Variants in TRERF1 observed in about 807,000 individuals in gnomAD.
TRERF1 encodes the protein transcriptional regulating factor 1.
Under a neutral mutation model 122.9 loss-of-function variants are expected in TRERF1, and 27 were observed. That is an observed-to-expected ratio of 0.22 (90% confidence interval 0.16 to 0.30). The LOEUF is 0.30. Among genes scored for constraint, TRERF1 ranks in the 10% least tolerant of loss-of-function variants. The pLI is 1.00. For missense variants in TRERF1, 1,248 were observed against 1,560.3 expected (o/e 0.80, Z 3.37); for synonymous variants, 636 against 641.7 (o/e 0.99, Z 0.13).
rs146759690 is a variant in TRERF1 at position 42,394,290 on chromosome 6, G to A, written c.-453-31211C>T. ...CAGCACATCCCTCCATACCATCCCC[G>A]TGCCTCCTCCGTCAGCAGGCTATCC... is the stretch of plus-strand genomic sequence containing the variant. On this transcript the variant is annotated intron_variant, in intron 2 of 17. Transcript: ENST00000372922. Among the ~76,000 whole-genome samples, 35 of 151,602 alleles carry A rather than the reference G, an allele frequency of 2.3e-4. No homozygotes were observed. In the East Asian group the frequency reaches 5.6e-3, roughly 24 times the overall value.
At chr6:42,344,061 G>A (rs1007774870) in intron 3 of TRERF1, among the ~76,000 whole-genome samples, 5 of 152,202 alleles carry the variant, frequency 3.3e-5, no homozygotes, top group African/African-American at 7.2e-5. Flanking sequence ...GGAGGCCAAC[G>A]CTTCCTGGGC....
At chr6:42,278,661 G>A (rs1347370980) in intron 4 of TRERF1, among the ~76,000 whole-genome samples, 3 of 152,212 alleles carry the variant, frequency 2.0e-5, no homozygotes, top group African/African-American at 7.2e-5. Context: ...TGGTGGCGGT[G>A]AGGTTGACAG....
chr6:42,284,148 T>G (rs906044227), intron 4 of TRERF1, among the ~76,000 whole-genome samples: 1 of 152,214 alleles, frequency 6.6e-6, no homozygotes, highest in Non-Finnish European at 1.5e-5. Flanking sequence ...AAGTAGAGAA[T>G]CCTGGTAAAG....
intron 3 of TRERF1, among the ~76,000 whole-genome samples, chr6:42,360,812 T>G (rs947548364): frequency 5.1e-4 from 75 of 146,438 alleles, no homozygotes; most frequent in African/African-American, 1.8e-3. Context: ...ACCTGGATGG[T>G]TTAGGATACT....
chr6:42,407,536 T>C (rs1363039653), intron 2 of TRERF1, among the ~76,000 whole-genome samples: 3 of 152,124 alleles, frequency 2.0e-5, no homozygotes, highest in Non-Finnish European at 4.4e-5. Context: ...ATCTAATTTG[T>C]GGGTGTCACC....
At chr6:42,248,600 C>A (rs1456373675) in intron 13 of TRERF1, among the ~76,000 whole-genome samples, 1 of 152,158 alleles carries the variant, frequency 6.6e-6, no homozygotes, top group East Asian at 1.9e-4. Flanking sequence ...GATCCGCTTG[C>A]CTCAGCTTCC....
At chr6:42,311,253 G>A (rs1788176153) in intron 3 of TRERF1, among the ~76,000 whole-genome samples, 1 of 152,206 alleles carries the variant, frequency 6.6e-6, no homozygotes, top group Non-Finnish European at 1.5e-5. Context: ...AGGGTCAGAG[G>A]AGTGATGAAC....
At chr6:42,294,463 A>C (rs568015227) in intron 4 of TRERF1, among the ~76,000 whole-genome samples, 6 of 151,922 alleles carry the variant, frequency 3.9e-5, no homozygotes, top group Non-Finnish European at 8.8e-5. Flanking sequence ...TACAGGCATG[A>C]GCCACCGCGC....
chr6:42,305,710 A>G (rs1048759343), intron 3 of TRERF1, among the ~76,000 whole-genome samples: 1 of 152,152 alleles, frequency 6.6e-6, no homozygotes, highest in African/African-American at 2.4e-5. Flanking sequence ...ATTCATTAGA[A>G]ATTGGCACAG....
chr6:42,341,027 C>A (rs1474037693), intron 3 of TRERF1, among the ~76,000 whole-genome samples: 1 of 152,170 alleles, frequency 6.6e-6, no homozygotes, highest in African/African-American at 2.4e-5. Flanking sequence ...AAAACAGTCC[C>A]CCGTGTACAG....
chr6:42,294,475 C>T (rs563247582), intron 4 of TRERF1, among the ~76,000 whole-genome samples: 6 of 152,100 alleles, frequency 3.9e-5, no homozygotes, highest in East Asian at 1.9e-4. Flanking sequence ...CCACCGCGCC[C>T]GGCCTTAATG....
At position 42,393,532 on chromosome 6, in the gene TRERF1, C is replaced by T. The variant is rs77851499; in HGVS notation, c.-453-30453G>A. Among the ~76,000 whole-genome samples the T allele has an allele frequency of 1.7e-3, 261 of 152,322 alleles. 7 individuals are homozygous for T. In the East Asian group the frequency reaches 0.044, roughly 26 times the overall value. ...AATTCCCTGCAGAGTGCAAAGGTCA[C>T]GGGAGTGTGCAAGGCCTGGCAAAAC... is the stretch of plus-strand genomic sequence containing the variant. On this transcript the variant is annotated intron_variant, in intron 2 of 17. Transcript: ENST00000372922. This position sits in a 1 kb window ranked among gnomAD's most constrained non-coding sequence, Gnocchi z 4.1.
intron 2 of TRERF1, among the ~76,000 whole-genome samples, chr6:42,374,551 G>C (rs1466448968): frequency 6.6e-6 from 1 of 152,144 alleles, no homozygotes; most frequent in African/African-American, 2.4e-5. Flanking sequence ...GTCCTCTCCA[G>C]TTAAACCCTC....
chr6:42,448,663 G>A (rs1458053623), intron 2 of TRERF1, among the ~76,000 whole-genome samples: 1 of 152,102 alleles, frequency 6.6e-6, no homozygotes, highest in African/African-American at 2.4e-5. Flanking sequence ...ATCAAACCAC[G>A]CACTTTTAAG....
chr6:42,398,789 G>A lies in TRERF1; in HGVS notation c.-453-35710C>T, dbSNP rs546881447. 1.7e-4 allele frequency among the ~76,000 whole-genome samples: 26 copies of A among 152,352 alleles called. No individual in the cohort carries two copies. The South Asian group carries it at 5.2e-3, about 30-fold the overall frequency. On this transcript the variant is annotated intron_variant, in intron 2 of 17. Transcript: ENST00000372922. ...CCATTCAAGATTGTCCTGACACCAT[G>A]TAAAATGCATGATCAAAGCAATTCT...
intron 3 of TRERF1, among the ~76,000 whole-genome samples, chr6:42,335,697 C>T (rs527820154): frequency 6.6e-6 from 1 of 152,294 alleles, no homozygotes; most frequent in South Asian, 2.1e-4. Context: ...CCCTCCTCTT[C>T]AACTGTCCTG....
At chr6:42,336,680 T>C (rs183643586) in intron 3 of TRERF1, among the ~76,000 whole-genome samples, 222 of 152,194 alleles carry the variant, frequency 1.5e-3, no homozygotes, top group East Asian at 0.012. Context: ...CCTCCCAACT[T>C]GGCGGAGGAG....
At chr6:42,449,466 G>GA (rs531374974) in intron 2 of TRERF1, among the ~76,000 whole-genome samples, 7,274 of 115,302 alleles carry the variant, frequency 0.063, 265 homozygotes, top group African/African-American at 0.13. Context: ...GGTAGAAGAG[G>GA]AAAAAAAAAA....
At chr6:42,351,376 C>T (rs1769409964) in intron 3 of TRERF1, among the ~76,000 whole-genome samples, 1 of 152,068 alleles carries the variant, frequency 6.6e-6, no homozygotes. Context: ...TCCAATGGTA[C>T]TGTAATAGAA....
Sources: allele counts gnomAD v4.1 joint callset (sites outside exome capture counted in the v4.1 genomes callset), GRCh38; gene constraint gnomAD v4.1.1; non-coding constraint Gnocchi (gnomAD v3.1); transcripts MANE v1.5; gene names NCBI Gene and HGNC (gene_info 2026-07-23, HGNC 2026-07-21).